Variants in IPO5 observed in about 807,000 individuals in gnomAD.
IPO5 encodes importin-5.
IPO5 carries 18 observed loss-of-function variants against 143.3 expected under a neutral mutation model. The observed-to-expected ratio is 0.13, with a 90% confidence interval of 0.09 to 0.19. IPO5 has a LOEUF of 0.19. IPO5 is among the 10% of genes least tolerant of loss of function. The probability of loss-of-function intolerance (pLI) is 1.00; values close to 1 mark genes in which losing one functional copy is unlikely to be tolerated. For missense variants in IPO5, 1,013 were observed against 1,336.9 expected (o/e 0.76, Z 3.78); for synonymous variants, 477 against 465.7 (o/e 1.02, Z -0.31).
At chr13:97,997,184 A>G (rs1888364295) in intron 11 of IPO5, among the ~76,000 whole-genome samples, 1 of 152,210 alleles carries the variant, frequency 6.6e-6, no homozygotes, top group Non-Finnish European at 1.5e-5. Flanking sequence ...TAGTACTATA[A>G]TTTTGTATAG....
Position 97,975,996 on chromosome 13 carries a change from A to G in IPO5, c.-4-697A>G, listed in dbSNP as rs1011735314. The G allele has an allele frequency of 1.2e-5, 12 of 982,154 alleles. No individual in the cohort carries two copies. In the African/African-American group the frequency reaches 2.1e-4, roughly 17 times the overall value. The allele number at this position is 982,154 out of a possible 1,614,324, so 60.8% of individuals were successfully genotyped here. ...TGAAAGCGAGAAGTCCGTGAGTAGA[A>G]GGTACGTAGGAAGTGGGTCTAAAGG... is the stretch of plus-strand genomic sequence containing the variant. On this transcript the variant is annotated intron_variant, in intron 3 of 28. Transcript: ENST00000651721.
intron 24 of IPO5, among the ~76,000 whole-genome samples, chr13:98,016,389 CAAAGT>C (rs1890124471): frequency 6.6e-6 from 1 of 150,864 alleles, no homozygotes; most frequent in South Asian, 2.1e-4. Context: ...CTGCTGAAAA[CAAAGT>C]AAAAATAGTG....
At chr13:97,984,389 A>G (rs866876588) in intron 5 of IPO5, among the ~76,000 whole-genome samples, 2 of 152,218 alleles carry the variant, frequency 1.3e-5, no homozygotes, top group South Asian at 4.1e-4. Flanking sequence ...AATAACTTGT[A>G]TTAAGCCTTA....
intron 12 of IPO5, among the ~76,000 whole-genome samples, chr13:97,998,440 A>G (rs1301653884): frequency 6.6e-6 from 1 of 152,238 alleles, no homozygotes; most frequent in African/African-American, 2.4e-5. Flanking sequence ...GTTTCAACAA[A>G]ATTCCCTGCA....
chr13:98,012,400 T>C (rs1434116073), intron 21 of IPO5, 58 bp downstream of exon 21: 1 of 1,045,474 alleles, frequency 9.6e-7, no homozygotes, highest in Non-Finnish European at 1.5e-6. Context: ...TGTAGTTTCT[T>C]GGAGTATTAG....
At chr13:98,011,319 CTT>C (rs1318820262) in intron 20 of IPO5, among the ~76,000 whole-genome samples, 1 of 152,106 alleles carries the variant, frequency 6.6e-6, no homozygotes, top group Non-Finnish European at 1.5e-5. Flanking sequence ...GAAACAGAGT[CTT>C]ACTCTGTCGC....
chr13:97,968,143 A>G (rs2139537402), intron 2 of IPO5, among the ~76,000 whole-genome samples: 1 of 152,200 alleles, frequency 6.6e-6, no homozygotes, highest in Admixed American at 6.5e-5. Context: ...TTCTTCTTTG[A>G]CGCACTTGTT....
Position 98,018,683 on chromosome 13 carries a change from A to G in IPO5, c.2815A>G (p.Asn939Asp). 2 of 1,613,968 alleles carry G rather than the reference A, an allele frequency of 1.2e-6. No homozygotes were observed. Among genetic ancestry groups the G allele is most frequent in the Non-Finnish European group, 8.5e-7 (1 of 1,179,914 alleles). ...LGVMAQYGGD[N>D]YRPFCTEALP... Reference sequence around the variant, plus strand: ...AGTCATGGCACAGTACGGTGGAGATAATTATCGCCCTTTTTGTACAGGTAC... The same window carrying G: ...AGTCATGGCACAGTACGGTGGAGATGATTATCGCCCTTTTTGTACAGGTAC... Residue 939 changes from asparagine to aspartate, a missense_variant, in exon 26 of 29, where the codon AAT becomes GAT. By Grantham distance (23) the Asn-to-Asp change is conservative. Coordinates refer to ENST00000651721, the MANE Select transcript of IPO5 (RefSeq NM_002271.6).
chr13:97,958,505 C>G (rs1382346509), intron 2 of IPO5, among the ~76,000 whole-genome samples: 3 of 152,010 alleles, frequency 2.0e-5, no homozygotes, highest in African/African-American at 7.3e-5. Flanking sequence ...TGCTCAGGAC[C>G]CTCTATCTCA....
At chr13:97,993,259 T>C (rs968824037) in intron 11 of IPO5, 34 bp downstream of exon 11, 2 of 1,587,482 alleles carry the variant, frequency 1.3e-6, no homozygotes, top group African/African-American at 2.7e-5. Flanking sequence ...TTTATGTGTA[T>C]TGTGGCCAAA....
At chr13:97,969,232 T>A (rs1367558191) in intron 2 of IPO5, among the ~76,000 whole-genome samples, 2 of 135,368 alleles carry the variant, frequency 1.5e-5, no homozygotes, top group Non-Finnish European at 3.1e-5. Context: ...CCCAGGCTGG[T>A]GAGCAGTGGC....
intron 2 of IPO5, chr13:97,960,357 A>G (rs1237439567): frequency 1.3e-5 from 2 of 152,206 alleles, no homozygotes; most frequent in East Asian, 3.9e-4. Flanking sequence ...GAATTCTCCG[A>G]AGTTTGAAGG....
chr13:97,982,391 G>T, intron 4 of IPO5, 112 bp from the exon 5 acceptor site: 1 of 690,072 alleles, frequency 1.4e-6, no homozygotes. Context: ...GTTAACACCA[G>T]ACCTAGATTA....
intron 9 of IPO5, among the ~76,000 whole-genome samples, chr13:97,991,875 A>G (rs181015086): frequency 4.6e-4 from 70 of 152,364 alleles, no homozygotes; most frequent in Non-Finnish European, 2.5e-4. Flanking sequence ...TGAGAAGATC[A>G]TGTAAGTCCC....
intron 20 of IPO5, among the ~76,000 whole-genome samples, chr13:98,011,910 A>G (rs1202546028): frequency 1.3e-5 from 2 of 152,116 alleles, no homozygotes; most frequent in African/African-American, 4.8e-5. Flanking sequence ...TTTTAGAATG[A>G]TTTTTCCTCA....
In IPO5 at chr13:98,014,482, C is replaced by A. The variant is rs543008026; in HGVS notation, c.2325+268C>A. On this transcript the variant is annotated intron_variant, in intron 22 of 28. Coordinates refer to ENST00000651721, the MANE Select transcript of IPO5 (RefSeq NM_002271.6). ...TAGTAGATGTTCCTCAGGTCTCAAA[C>A]TCCTGGCCTCAGGTGATCCACCTCG... Among the ~76,000 whole-genome samples the A allele has an allele frequency of 1.5e-4, 23 of 152,310 alleles. No homozygotes were observed. In the East Asian group the frequency reaches 3.5e-3, roughly 23 times the overall value.
At chr13:97,994,822 A>G (rs911031779) in intron 11 of IPO5, among the ~76,000 whole-genome samples, 4 of 152,208 alleles carry the variant, frequency 2.6e-5, no homozygotes, top group East Asian at 1.9e-4. Context: ...TTTTAAAAAG[A>G]TAATTGATCA....
intron 2 of IPO5, among the ~76,000 whole-genome samples, chr13:97,968,998 A>G (rs780113086): frequency 1.8e-4 from 27 of 151,076 alleles, no homozygotes; most frequent in Non-Finnish European, 3.2e-4. Flanking sequence ...TAAAGTTTGT[A>G]TTTTTAGTAA....
chr13:97,994,779 G>A (rs1255712227), intron 11 of IPO5, among the ~76,000 whole-genome samples: 2 of 152,130 alleles, frequency 1.3e-5, no homozygotes, highest in African/African-American at 4.8e-5. Context: ...GTAGAGTGTA[G>A]GAGAAGATCC....
Sources: allele counts gnomAD v4.1 joint callset (sites outside exome capture counted in the v4.1 genomes callset), GRCh38; gene constraint gnomAD v4.1.1; transcripts MANE v1.5; gene names NCBI Gene and HGNC (gene_info 2026-07-23, HGNC 2026-07-21).